Variants in MPG observed in about 807,000 individuals in gnomAD.
MPG encodes DNA-3-methyladenine glycosylase.
In MPG, 33 loss-of-function variants were observed where a neutral mutation model predicts 31.7. The ratio of observed to expected loss-of-function variants is 1.04; its 90% CI spans 0.79 to 1.39. The LOEUF (loss-of-function observed/expected upper bound fraction) is 1.39. Ranked by LOEUF, MPG falls within the 40% of genes most tolerant of loss-of-function variation. The probability of loss-of-function intolerance (pLI) is 0.00; values close to 1 mark genes in which losing one functional copy is unlikely to be tolerated. For missense variants in MPG, 455 were observed against 415.5 expected, an observed-to-expected ratio of 1.10 and a Z score of -0.83; for synonymous variants, 202 against 169.2, an observed-to-expected ratio of 1.19 and a Z score of -1.51.
In MPG at chr16:79,487, G is replaced by C. The variant is rs754765496; in HGVS notation, c.87G>C (p.Ser29=). 5 of 1,612,754 alleles carry C rather than the reference G, an allele frequency of 3.1e-6. No individual in the cohort carries two copies. Among genetic ancestry groups the C allele is most frequent in the East Asian group, 4.5e-5 (2 of 44,882 alleles). Residue 29 remains serine (S), a synonymous_variant, in exon 2 of 4, where the codon TCG becomes TCC. Coordinates refer to ENST00000356432, the MANE Select transcript of MPG (RefSeq NM_001015052.3). ...RPARAGQPHS[S]SDAAQAPAEQ... ...CTAGAGCAGGGCAGCCACACAGCTC[G>C]TCCGACGCAGCCCAGGCACCTGCAG...
chr16:80,552 G>T (rs145788458), intron 2 of MPG, among the ~76,000 whole-genome samples: 13 of 152,136 alleles, frequency 8.5e-5, no homozygotes, highest in Admixed American at 5.2e-4. Context: ...GGCTCATGCC[G>T]GTAATCCCAG....
chr16:79,299 AC>A, intron 1 of MPG, 125 bp from the exon 2 acceptor site: 1 of 1,594,522 alleles, frequency 6.3e-7, no homozygotes, highest in Non-Finnish European at 8.6e-7. Flanking sequence ...CAGGATGGTC[AC>A]CCCCGCTTTG....
rs907071937 is a variant in MPG, at chr16:85,424, C to A, written c.529C>A (p.Arg177=). Residue 177 remains arginine, a synonymous_variant, in exon 4 of 4, where the codon CGA becomes AGA. Coordinates refer to ENST00000356432, the MANE Select transcript of MPG (RefSeq NM_001015052.3). ...AGGGGACGGGGCTTGCGTCTTGCTG[C>A]GAGCACTGGAGCCCCTGGAAGGTCT... is the stretch of plus-strand genomic sequence containing the variant. The part of the protein sequence containing the change: ...SQGDGACVLL[R]ALEPLEGLET... The A allele has an allele frequency of 6.2e-7, 1 of 1,609,386 alleles. No homozygotes were observed. The highest frequency in any genetic ancestry group is 8.5e-7 in the Non-Finnish European group (1 of 1,177,890).
intron 2 of MPG, among the ~76,000 whole-genome samples, chr16:80,061 C>T (rs1300172139): frequency 1.3e-5 from 2 of 152,362 alleles, no homozygotes; most frequent in South Asian, 4.1e-4. Context: ...GCTGCCCCTT[C>T]CCGCTGTAGT....
rs1898265370 is a variant in MPG at position 82,182 on chromosome 16, TCCTGAATGCTCCCCGC to T, written c.301-869_301-854del. Among the ~76,000 whole-genome samples, 4 of 124,660 alleles carry T rather than the reference TCCTGAATGCTCCCCGC, an allele frequency of 3.2e-5. 1 individual carries two copies. The highest frequency in any genetic ancestry group is 6.4e-5 in the Non-Finnish European group (4 of 62,524). The allele number at this position is 124,660 out of a possible 152,430, so 81.8% of individuals were successfully genotyped here. A position where few individuals can be genotyped will look rare whatever the true frequency, so the allele number is the denominator to read the frequency against. On this transcript the variant is annotated intron_variant, in intron 2 of 3. Transcript: ENST00000356432. ...CCACCACCCTATCTCCGGGAAGCCCTCCTGAATGCTCCCCGCGCTGACCCCTTCTTCCCACCACCCT... is the reference window on the plus strand; with the variant it reads ...CCACCACCCTATCTCCGGGAAGCCCTGCTGACCCCTTCTTCCCACCACCCT...
rs146761688 is a variant in MPG, at chr16:80,048, C to T, written c.300+348C>T. Among the ~76,000 whole-genome samples, 537 of 152,346 alleles carry T rather than the reference C, an allele frequency of 3.5e-3. 6 individuals are homozygous for T. Among genetic ancestry groups the T allele is most frequent in the African/African-American group, 0.012 (510 of 41,590 alleles). Reference sequence around the variant, plus strand: ...TGGGAACTGTGGCTGTGGCCAGTGTCGGGCTGCCCCTTCCCGCTGTAGTGG... The same window carrying T: ...TGGGAACTGTGGCTGTGGCCAGTGTTGGGCTGCCCCTTCCCGCTGTAGTGG... On this transcript the variant is annotated intron_variant, in intron 2 of 3. Transcript: ENST00000356432.
At chr16:83,031 G>A in intron 2 of MPG, 21 bp from the exon 3 acceptor site, 1 of 1,570,042 alleles carries the variant, frequency 6.4e-7, no homozygotes, top group Non-Finnish European at 8.7e-7. Context: ...CCCGCCCTGA[G>A]CAGAAACTGA....
chr16:84,402 C>A, intron 3 of MPG: 1 of 152,380 alleles, frequency 6.6e-6, no homozygotes. Flanking sequence ...CGGAGCCTCA[C>A]GTGGCCGCAG....
At chr16:79,168 A>T (rs903532002) in intron 1 of MPG, 7 of 1,528,458 alleles carry the variant, frequency 4.6e-6, no homozygotes, top group Non-Finnish European at 6.2e-6. Context: ...CATGCCGTGC[A>T]GCTCGCACAT....
Position 79,517 on chromosome 16 carries a change from G to A in MPG, c.117G>A (p.Gln39=), listed in dbSNP as rs369532137. 6 of 1,613,014 alleles carry A rather than the reference G, an allele frequency of 3.7e-6. No individual in the cohort carries two copies. Among genetic ancestry groups the A allele is most frequent in the Non-Finnish European group, 5.1e-6 (6 of 1,179,970 alleles). Residue 39 remains glutamine, a synonymous_variant, in exon 2 of 4, where the codon CAG becomes CAA. Coordinates refer to ENST00000356432, the MANE Select transcript of MPG (RefSeq NM_001015052.3). ...ACGCAGCCCAGGCACCTGCAGAGCA[G>A]CCACACAGCTCGTCCGATGCAGCCC... ...SSDAAQAPAE[Q]PHSSSDAAQA... is the part of the protein sequence containing the mutation.
At chr16:79,054 C>G (rs1368101357) in intron 1 of MPG, 1 of 1,432,202 alleles carries the variant, frequency 7.0e-7, no homozygotes, top group East Asian at 2.5e-5. Context: ...CCAGCTCAGA[C>G]GTTTGCTTGG....
At chr16:78,696 G>T (rs1898157976) in intron 1 of MPG, among the ~76,000 whole-genome samples, 2 of 152,208 alleles carry the variant, frequency 1.3e-5, no homozygotes, top group Admixed American at 6.5e-5. Context: ...CAGCCCTCCG[G>T]GTGCTGCCAG....
At position 83,076 on chromosome 16, in the gene MPG, G is replaced by A; in HGVS notation, c.325G>A (p.Gly109Ser). Reference sequence around the variant, plus strand: ...GGTCCTAGTCCGGCGACTTCCTAATGGCACAGAACTCCGAGGCCGCATCGT... The same window carrying A: ...GGTCCTAGTCCGGCGACTTCCTAATAGCACAGAACTCCGAGGCCGCATCGT... ...GQVLVRRLPN[G>S]TELRGRIVET... Residue 109 changes from glycine (G) to serine (S), a missense_variant, in exon 3 of 4, where the codon GGC becomes AGC. Transcript: ENST00000356432. 1 of 1,608,128 alleles carries A rather than the reference G, an allele frequency of 6.2e-7. No homozygotes were observed. Among genetic ancestry groups the A allele is most frequent in the South Asian group, 1.1e-5 (1 of 90,796 alleles).
rs710080 is a variant in MPG, at chr16:79,278, A to G, written c.25-147A>G. 0.063 allele frequency: 98,350 copies of G among 1,569,880 alleles called. 19,906 individuals are homozygous for G. The African/African-American group carries it at 0.67, about 11-fold the overall frequency. On this transcript the variant is annotated intron_variant, in intron 1 of 3. Coordinates refer to ENST00000356432, the MANE Select transcript of MPG (RefSeq NM_001015052.3). ...GAGTGTGTCAGGGTGTTTGTGCCTC[A>G]TAACAACCCACAGGATGGTCACCCC...
intron 2 of MPG, 62 bp from the exon 3 acceptor site, chr16:82,990 C>T: frequency 7.0e-7 from 1 of 1,424,644 alleles, no homozygotes; most frequent in African/African-American, 1.4e-5. Context: ...CCAGGCTGGG[C>T]ACTGTTAGGG....
chr16:80,549 G>A (rs1437246860), intron 2 of MPG, among the ~76,000 whole-genome samples: 1 of 152,220 alleles, frequency 6.6e-6, no homozygotes, highest in Non-Finnish European at 1.5e-5. Context: ...GGTGGCTCAT[G>A]CCGGTAATCC....
intron 2 of MPG, 184 bp downstream of exon 2, chr16:79,884 G>A: frequency 1.4e-6 from 1 of 705,580 alleles, no homozygotes; most frequent in Non-Finnish European, 2.3e-6. Context: ...CATCTGGGAA[G>A]AATGTAGAGA....
intron 2 of MPG, among the ~76,000 whole-genome samples, chr16:80,533 A>G (rs1898210122): frequency 6.6e-6 from 1 of 152,140 alleles, no homozygotes; most frequent in Non-Finnish European, 1.5e-5. Context: ...ATTTGTGGCC[A>G]GGTGTGGTGG....
intron 2 of MPG, among the ~76,000 whole-genome samples, chr16:81,049 G>T (rs1299064730): frequency 6.6e-6 from 1 of 152,210 alleles, no homozygotes; most frequent in Non-Finnish European, 1.5e-5. Context: ...ACAGCCCTCT[G>T]CCCTCTCCAT....
Sources: allele counts gnomAD v4.1 joint callset (sites outside exome capture counted in the v4.1 genomes callset), GRCh38; gene constraint gnomAD v4.1.1; transcripts MANE v1.5; gene names NCBI Gene and HGNC (gene_info 2026-07-23, HGNC 2026-07-21).